Variants in PDE7B observed in about 807,000 individuals in gnomAD.
The protein encoded by PDE7B is 3',5'-cyclic-AMP phosphodiesterase 7B.
Under a neutral mutation model 56.2 loss-of-function variants are expected in PDE7B, and 29 were observed. That is an observed-to-expected ratio of 0.52 (90% CI 0.38 to 0.70). The LOEUF (loss-of-function observed/expected upper bound fraction) is 0.70. PDE7B is among the 30% of genes least tolerant of loss of function. PDE7B has a pLI of 0.00. For synonymous variants in PDE7B, 197 were observed against 196.9 expected, an observed-to-expected ratio of 1.00 and a Z score of 0.00; for missense variants, 490 against 565.0, an observed-to-expected ratio of 0.87 and a Z score of 1.35.
In PDE7B at chr6:135,935,190, T is replaced by TTTTATATATATATATATTTTTA. The variant is rs1436649469; in HGVS notation, c.22-12273_22-12272insTTATATATATATATATTTTTAT. 7.5e-4 allele frequency among the ~76,000 whole-genome samples: 27 copies of TTTTATATATATATATATTTTTA among 36,188 alleles called. 2 individuals carry two copies. The highest frequency in any genetic ancestry group is 2.7e-3 in the East Asian group (2 of 748). The allele number at this position is 36,188 out of a possible 152,430, so 23.7% of individuals were successfully genotyped here. ...GAGAATTTTATATATATATATTTAT[T>TTTTATATATATATATATTTTTA]TATATATATATATATATATATATAT... On this transcript the variant is annotated intron_variant, in intron 1 of 12. Coordinates refer to ENST00000308191, the MANE Select transcript of PDE7B (RefSeq NM_018945.4).
chr6:135,926,812 C>T (rs1774200598), intron 1 of PDE7B, among the ~76,000 whole-genome samples: 2 of 152,124 alleles, frequency 1.3e-5, no homozygotes, highest in African/African-American at 4.8e-5. Flanking sequence ...AATAAATTTT[C>T]CTTATCTTTT....
chr6:136,147,287 C>A, intron 3 of PDE7B, 64 bp from the exon 4 acceptor site: 1 of 1,065,794 alleles, frequency 9.4e-7, no homozygotes, highest in South Asian at 1.8e-5. Context: ...TTTATTTTTA[C>A]AGAGTGGAGA....
chr6:136,188,188 A>G (rs953395067), intron 12 of PDE7B, among the ~76,000 whole-genome samples: 10 of 152,226 alleles, frequency 6.6e-5, no homozygotes, highest in South Asian at 2.1e-4. Flanking sequence ...TCAGGAAATA[A>G]GGACAAAATA....
intron 2 of PDE7B, among the ~76,000 whole-genome samples, chr6:135,969,518 G>A (rs1160488169): frequency 1.3e-5 from 2 of 152,056 alleles, no homozygotes; most frequent in Non-Finnish European, 2.9e-5. Context: ...AACAAGCAAA[G>A]GGGAGAGGAT....
intron 1 of PDE7B, among the ~76,000 whole-genome samples, chr6:135,859,839 C>T (rs902586801): frequency 1.3e-5 from 2 of 151,666 alleles, no homozygotes; most frequent in African/African-American, 2.4e-5. Context: ...TAATCAAATA[C>T]ATCTATTGGA....
chr6:136,142,331 A>T (rs1184782004), intron 3 of PDE7B, among the ~76,000 whole-genome samples: 1 of 151,994 alleles, frequency 6.6e-6, no homozygotes, highest in African/African-American at 2.4e-5. Context: ...AGTTTGTTAT[A>T]ATTTCTGTTC....
At chr6:136,006,891 A>T (rs1487078834) in intron 2 of PDE7B, among the ~76,000 whole-genome samples, 2 of 152,088 alleles carry the variant, frequency 1.3e-5, no homozygotes, top group Non-Finnish European at 2.9e-5. Context: ...TCCAATTTAG[A>T]TGCCTTATTT....
chr6:136,183,070 TC>T (rs199779078), intron 11 of PDE7B, among the ~76,000 whole-genome samples: 2 of 102,104 alleles, frequency 2.0e-5, no homozygotes, highest in African/African-American at 3.7e-5. Flanking sequence ...AGACTCCGTC[TC>T]CAAAAAAAAA....
chr6:135,998,330 G>T (rs1775602431), intron 2 of PDE7B, among the ~76,000 whole-genome samples: 1 of 151,994 alleles, frequency 6.6e-6, no homozygotes, highest in South Asian at 2.1e-4. Context: ...TGTTCGCCTT[G>T]GTTCCTGTCG....
intron 2 of PDE7B, among the ~76,000 whole-genome samples, chr6:136,017,497 C>G (rs1399178889): frequency 3.7e-5 from 5 of 135,490 alleles, no homozygotes; most frequent in East Asian, 5.3e-4. Flanking sequence ...CCCCTCCCCC[C>G]ACCCCACGAC....
At chr6:136,002,602 G>A (rs868676892) in intron 2 of PDE7B, among the ~76,000 whole-genome samples, 5 of 152,168 alleles carry the variant, frequency 3.3e-5, no homozygotes, top group South Asian at 2.1e-4. Flanking sequence ...AAGAGACAAA[G>A]AAGGCCATTA....
intron 2 of PDE7B, among the ~76,000 whole-genome samples, chr6:135,972,611 A>G (rs906067995): frequency 1.3e-5 from 2 of 152,042 alleles, no homozygotes; most frequent in African/African-American, 4.8e-5. Flanking sequence ...GATGGGAAGT[A>G]TTTTTTTGCA....
At chr6:135,961,266 T>C (rs1774894823) in intron 2 of PDE7B, among the ~76,000 whole-genome samples, 1 of 142,288 alleles carries the variant, frequency 7.0e-6, no homozygotes, top group Admixed American at 6.9e-5. Flanking sequence ...TGTGTGTGTG[T>C]GTGTGTGTGT....
At chr6:136,029,273 G>A (rs559864325) in intron 2 of PDE7B, among the ~76,000 whole-genome samples, 1 of 152,160 alleles carries the variant, frequency 6.6e-6, no homozygotes, top group Admixed American at 6.5e-5. Flanking sequence ...CTCATCAATT[G>A]CCTCCTCAAA....
intron 1 of PDE7B, among the ~76,000 whole-genome samples, chr6:135,912,255 T>G (rs1273041707): frequency 6.6e-6 from 1 of 152,026 alleles, no homozygotes; most frequent in African/African-American, 2.4e-5. Flanking sequence ...ATCAGCAGAT[T>G]CAACCATGGC....
chr6:136,038,516 C>T (rs762994789), intron 2 of PDE7B: 33 of 1,280,298 alleles, frequency 2.6e-5, no homozygotes, highest in South Asian at 1.1e-4. Context: ...AGATGCTCTC[C>T]GCAGCTTTCC....
chr6:136,182,610 G>A (rs1332067126), intron 11 of PDE7B, among the ~76,000 whole-genome samples: 1 of 152,132 alleles, frequency 6.6e-6, no homozygotes, highest in Non-Finnish European at 1.5e-5. Context: ...AGTCAGCATC[G>A]ACTGCAGTGT....
intron 1 of PDE7B, among the ~76,000 whole-genome samples, chr6:135,946,388 A>C (rs1774596020): frequency 6.6e-6 from 1 of 152,002 alleles, no homozygotes; most frequent in African/African-American, 2.4e-5. Flanking sequence ...CAAGACATTA[A>C]AGTTGTATAT....
intron 2 of PDE7B, among the ~76,000 whole-genome samples, chr6:136,107,855 G>A (rs1467883383): frequency 2.6e-5 from 4 of 152,124 alleles, no homozygotes; most frequent in Admixed American, 6.5e-5. Flanking sequence ...CCAGCCAGGC[G>A]TGGTGGCTCA....
Sources: allele counts gnomAD v4.1 joint callset (sites outside exome capture counted in the v4.1 genomes callset), GRCh38; gene constraint gnomAD v4.1.1; transcripts MANE v1.5; gene names NCBI Gene and HGNC (gene_info 2026-07-23, HGNC 2026-07-21).